CNIH3: variants seen among roughly 807,000 people sequenced by gnomAD.
The protein encoded by CNIH3 is cornichon family AMPA receptor auxiliary protein 3.
A neutral mutation model predicts 24.1 loss-of-function variants in CNIH3; 14 were observed. The ratio of observed to expected loss-of-function variants is 0.58; its 90% CI spans 0.38 to 0.91. CNIH3 has a LOEUF of 0.91. CNIH3 is among the 40% of genes least tolerant of loss of function. CNIH3 has a pLI of 0.00. For missense variants in CNIH3, 178 were observed against 196.8 expected (o/e 0.90, Z 0.57); for synonymous variants, 68 against 73.8 (o/e 0.92, Z 0.40).
At chr1:224,587,956 C>T (rs1215566479) in intron 5 of CNIH3, among the ~76,000 whole-genome samples, 2 of 146,590 alleles carry the variant, frequency 1.4e-5, no homozygotes, top group Non-Finnish European at 3.0e-5. Context: ...AAAAAAAAAA[C>T]AAAACAAAAC....
intron 1 of CNIH3, among the ~76,000 whole-genome samples, chr1:224,440,592 GTTA>G (rs1674857766): frequency 1.3e-5 from 2 of 152,140 alleles, no homozygotes; most frequent in Non-Finnish European, 2.9e-5. Context: ...ACCAAGATAT[GTTA>G]TTAAGTGAAT....
intron 3 of CNIH3, among the ~76,000 whole-genome samples, chr1:224,714,985 C>T (rs940686112): frequency 2.6e-5 from 4 of 152,218 alleles, no homozygotes; most frequent in Non-Finnish European, 5.9e-5. Context: ...CAGCTGTCCT[C>T]TCTCCACATA....
intron 3 of CNIH3, among the ~76,000 whole-genome samples, chr1:224,559,459 G>C (rs945442366): frequency 1.3e-5 from 2 of 152,070 alleles, no homozygotes; most frequent in South Asian, 2.1e-4. Flanking sequence ...TGTACTCATG[G>C]GCTCGAGGGA....
intron 1 of CNIH3, among the ~76,000 whole-genome samples, chr1:224,480,871 C>A (rs1676780348): frequency 6.6e-6 from 1 of 152,348 alleles, no homozygotes; most frequent in East Asian, 1.9e-4. Context: ...ACTGTTCCAA[C>A]CTCTGCCTGT....
chr1:224,524,140 A>T (rs948157304), intron 2 of CNIH3, among the ~76,000 whole-genome samples: 2 of 152,342 alleles, frequency 1.3e-5, no homozygotes, highest in African/African-American at 4.8e-5. Flanking sequence ...AATCTGCACC[A>T]TCTGGAAATG....
At chr1:224,530,329 C>A (rs1679014169) in intron 2 of CNIH3, among the ~76,000 whole-genome samples, 1 of 152,194 alleles carries the variant, frequency 6.6e-6, no homozygotes, top group Non-Finnish European at 1.5e-5. Flanking sequence ...TAAATTAAGT[C>A]CCATTAGTCA....
chr1:224,627,717 C>T (rs1460081224), intron 1 of CNIH3, among the ~76,000 whole-genome samples: 1 of 152,144 alleles, frequency 6.6e-6, no homozygotes, highest in Non-Finnish European at 1.5e-5. Context: ...GGAGTCAATG[C>T]GCTGCCATCT....
chr1:224,739,295 C>CTTTTTTTTTTT lies in CNIH3; in HGVS notation c.456-19_456-9dup, dbSNP rs11342205. 22 of 1,342,506 alleles carry CTTTTTTTTTTT rather than the reference C, an allele frequency of 1.6e-5. 1 individual carries two copies. Among genetic ancestry groups the CTTTTTTTTTTT allele is most frequent in the South Asian group, 1.1e-4 (8 of 74,604 alleles). The allele number at this position is 1,342,506 out of a possible 1,614,324, so 83.2% of individuals were successfully genotyped here. ...TGGGCTTCTACTAACACCTTCCTCT[C>CTTTTTTTTTTT]TTTTTTTTTTTTTTTTTTTTTTTTT... On this transcript the variant is annotated intron_variant, in intron 5 of 5. Transcript: ENST00000272133.
intron 1 of CNIH3, among the ~76,000 whole-genome samples, chr1:224,447,835 A>G (rs1675229281): frequency 1.3e-5 from 2 of 152,190 alleles, no homozygotes; most frequent in Non-Finnish European, 2.9e-5. Context: ...AACCCATTTA[A>G]TCATCACAAG....
At chr1:224,634,649 G>T (rs1156312651) in intron 1 of CNIH3, among the ~76,000 whole-genome samples, 1 of 152,020 alleles carries the variant, frequency 6.6e-6, no homozygotes, top group Middle Eastern at 3.2e-3. Context: ...AATTCTAGAG[G>T]ATAAATGGTA....
intron 1 of CNIH3, chr1:224,437,153 C>T (rs552759611): frequency 1.3e-5 from 2 of 152,280 alleles, no homozygotes; most frequent in South Asian, 2.1e-4. Context: ...AGACCTCTGT[C>T]CCCCTGATTT....
At chr1:224,472,020 A>G (rs1254913360) in intron 1 of CNIH3, among the ~76,000 whole-genome samples, 1 of 152,228 alleles carries the variant, frequency 6.6e-6, no homozygotes, top group Non-Finnish European at 1.5e-5. Context: ...TGCTGCAGTA[A>G]ACATGGAAGT....
chr1:224,546,164 A>C (rs920214179), intron 2 of CNIH3, among the ~76,000 whole-genome samples: 1 of 152,138 alleles, frequency 6.6e-6, no homozygotes. Flanking sequence ...AGGGAACACA[A>C]TTCAGTCCCT....
At chr1:224,557,700 A>C (rs1023832580) in intron 3 of CNIH3, among the ~76,000 whole-genome samples, 10 of 151,924 alleles carry the variant, frequency 6.6e-5, no homozygotes, top group African/African-American at 2.4e-4. Flanking sequence ...CAAATGATCC[A>C]CTTGCCTCGG....
At chr1:224,439,376 C>T (rs1674796970) in intron 1 of CNIH3, among the ~76,000 whole-genome samples, 1 of 152,048 alleles carries the variant, frequency 6.6e-6, no homozygotes, top group South Asian at 2.1e-4. Context: ...TTCTCAGTAG[C>T]CCTCTCATGT....
At chr1:224,466,344 T>TTA (rs1676151786) in intron 1 of CNIH3, among the ~76,000 whole-genome samples, 1 of 152,238 alleles carries the variant, frequency 6.6e-6, no homozygotes, top group African/African-American at 2.4e-5. Context: ...ATGGAATCAC[T>TTA]TATGTAGTGT....
intron 1 of CNIH3, among the ~76,000 whole-genome samples, chr1:224,677,204 A>G (rs1484510755): frequency 6.6e-6 from 1 of 152,200 alleles, no homozygotes; most frequent in Non-Finnish European, 1.5e-5. Context: ...GATAAAAAGC[A>G]TGTGCAGCAT....
At chr1:224,613,615 C>T (rs1682800690), upstream of CNIH3, among the ~76,000 whole-genome samples, 1 of 152,142 alleles carries the variant, frequency 6.6e-6, no homozygotes, top group Admixed American at 6.5e-5. Context: ...GGGTGGATCC[C>T]TCATGGCTTG....
chr1:224,621,249 T>G (rs980988162), intron 1 of CNIH3, among the ~76,000 whole-genome samples: 1 of 152,244 alleles, frequency 6.6e-6, no homozygotes, highest in Non-Finnish European at 1.5e-5. Context: ...GACATACATA[T>G]GTGCCGAGAG....
Sources: gnomAD v4.1 joint callset for allele counts (sites outside exome capture counted in the v4.1 genomes callset) on GRCh38, gnomAD v4.1.1 for gene constraint, MANE v1.5 for transcripts, NCBI Gene and HGNC (gene_info 2026-07-23, HGNC 2026-07-21) for gene names.